Variants in MED12L observed in about 807,000 individuals in gnomAD.
MED12L encodes mediator complex subunit 12L.
In MED12L, 60 loss-of-function variants were observed where a neutral mutation model predicts 281.3. That is an observed-to-expected ratio of 0.21 (90% CI 0.17 to 0.26). The LOEUF is 0.26. Ranked by LOEUF, MED12L falls within the 10% of genes least tolerant of loss-of-function variation. MED12L has a pLI of 1.00. For synonymous variants in MED12L, 974 were observed against 987.2 expected (o/e 0.99, Z 0.25); for missense variants, 2,146 against 2,680.9 (o/e 0.80, Z 4.41).
chr3:151,098,377 G>A (rs867981760), intron 2 of MED12L, among the ~76,000 whole-genome samples: 105 of 152,260 alleles, frequency 6.9e-4, no homozygotes, highest in African/African-American at 2.5e-3. Context: ...CTACAAACTG[G>A]GTGGCTTAAA....
chr3:151,254,977 C>CT lies in MED12L; in HGVS notation c.2250+61319dup, dbSNP rs773535984. 1.4e-4 allele frequency among the ~76,000 whole-genome samples: 22 copies of CT among 152,102 alleles called. No individual in the cohort carries two copies. The East Asian group carries it at 2.1e-3, about 15-fold the overall frequency. On this transcript the variant is annotated intron_variant, in intron 16 of 44. Transcript: ENST00000687756. Reference sequence around the variant, plus strand: ...GATTCTGATACTTTGCCTTGCTGCTCTTTTTTTTGTAGTTTTCCCAGAAAC... The same window carrying CT: ...GATTCTGATACTTTGCCTTGCTGCTCTTTTTTTTTGTAGTTTTCCCAGAAAC...
intron 18 of MED12L, 46 bp downstream of exon 18, chr3:151,355,285 T>C: frequency 7.2e-7 from 1 of 1,387,998 alleles, no homozygotes; most frequent in Non-Finnish European, 1.0e-6. Flanking sequence ...TATTCTAATT[T>C]ACTTAAAAAT....
intron 16 of MED12L, chr3:151,198,884 A>T (rs1342722774): frequency 6.2e-7 from 1 of 1,614,136 alleles, no homozygotes; most frequent in South Asian, 1.1e-5. Context: ...TTCCTTTTTA[A>T]ACTCCATACA....
chr3:151,217,215 G>A (rs2149245410), intron 16 of MED12L, among the ~76,000 whole-genome samples: 1 of 152,266 alleles, frequency 6.6e-6, no homozygotes, highest in Admixed American at 6.5e-5. Flanking sequence ...TATAGAAATA[G>A]TGAATCCCAG....
At chr3:151,355,403 T>G (rs1269944335) in intron 18 of MED12L, among the ~76,000 whole-genome samples, 164 bp downstream of exon 18, 4 of 152,366 alleles carry the variant, frequency 2.6e-5, no homozygotes, top group Admixed American at 6.5e-5. Context: ...AGTGTCAGGT[T>G]GCCTTCCTCG....
At chr3:151,318,022 A>G (rs1210926826) in intron 16 of MED12L, among the ~76,000 whole-genome samples, 3 of 152,194 alleles carry the variant, frequency 2.0e-5, no homozygotes, top group African/African-American at 7.2e-5. Flanking sequence ...ATGTTTTTAC[A>G]GAAAAACAAA....
At chr3:151,344,363 C>T (rs1465354113) in intron 16 of MED12L, among the ~76,000 whole-genome samples, 1 of 151,892 alleles carries the variant, frequency 6.6e-6, no homozygotes, top group Non-Finnish European at 1.5e-5. Context: ...CATGTGCACA[C>T]CCATTCTTCC....
intron 27 of MED12L, 107 bp downstream of exon 27, chr3:151,372,873 C>T (rs920325487): frequency 1.3e-6 from 1 of 764,090 alleles, no homozygotes; most frequent in East Asian, 2.7e-5. Context: ...TTTTTTCTTG[C>T]TCACTTTATT....
At chr3:151,408,193 T>C (rs896647211) in intron 39 of MED12L, among the ~76,000 whole-genome samples, 1 of 152,156 alleles carries the variant, frequency 6.6e-6, no homozygotes, top group Non-Finnish European at 1.5e-5. Flanking sequence ...CTGAAGAAGA[T>C]GAGAATGATG....
In MED12L at chr3:151,215,514, A is replaced by T. The variant is rs73021142; in HGVS notation, c.2250+21848A>T. On this transcript the variant is annotated intron_variant, in intron 16 of 44. Coordinates refer to ENST00000687756, the MANE Select transcript of MED12L (RefSeq NM_001393769.1). ...GCTACTAGGAAATTTTAAATTACAT[A>T]TGTGTTTCACATTATGGTTTTATTG... Among the ~76,000 whole-genome samples, 1,296 of 152,328 alleles carry T rather than the reference A, an allele frequency of 8.5e-3. 26 individuals carry two copies. Among genetic ancestry groups the T allele is most frequent in the African/African-American group, 0.03 (1,228 of 41,556 alleles).
At chr3:151,372,965 A>G in intron 27 of MED12L, among the ~76,000 whole-genome samples, 199 bp downstream of exon 27, 1 of 152,160 alleles carries the variant, frequency 6.6e-6, no homozygotes, top group Non-Finnish European at 1.5e-5. Context: ...GGATTTACTA[A>G]TTTTTACATT....
chr3:151,229,307 T>C (rs1238509397), intron 16 of MED12L, among the ~76,000 whole-genome samples: 1 of 44,840 alleles, frequency 2.2e-5, no homozygotes, highest in African/African-American at 9.2e-5. Context: ...CAGCAATTCT[T>C]TTTTTTTTTT....
At chr3:151,370,973 C>T (rs1050905693) in intron 26 of MED12L, among the ~76,000 whole-genome samples, 4 of 152,176 alleles carry the variant, frequency 2.6e-5, no homozygotes, top group African/African-American at 4.8e-5. Flanking sequence ...GTCAGTTTAA[C>T]GTCAGCAGAG....
intron 2 of MED12L, among the ~76,000 whole-genome samples, chr3:151,094,308 G>T (rs1232915575): frequency 5.3e-5 from 8 of 152,210 alleles, no homozygotes; most frequent in Admixed American, 5.2e-4. Flanking sequence ...AGGAATTTGA[G>T]AAGTTGGAAT....
rs372646132 is a variant in MED12L, at chr3:151,316,206, TA to T, written c.2251-33844del. 8.1e-3 allele frequency among the ~76,000 whole-genome samples: 1,217 copies of T among 151,028 alleles called. 10 individuals are homozygous for T. Among genetic ancestry groups the T allele is most frequent in the South Asian group, 0.024 (115 of 4,766 alleles). The stretch of plus-strand genomic sequence containing the variant: ...AGAGAAAAATCTTTGTCTCTCTCTT[TA>T]AAAAAAAACAATACGGATAAACGAT... On this transcript the variant is annotated intron_variant, in intron 16 of 44. Coordinates refer to ENST00000687756, the MANE Select transcript of MED12L (RefSeq NM_001393769.1).
At position 151,383,832 on chromosome 3, in the gene MED12L, G is replaced by C. The variant is rs761281265; in HGVS notation, c.4734G>C (p.Trp1578Cys). ...GGAGCACCCAGTGGACTACAGACTG[G>C]GCCCTGCTACTCCTTCAGATCATTA... ...VQRSTQWTTD[W>C]ALLLLQIITS... Residue 1578 changes from tryptophan to cysteine, a missense_variant, in exon 34 of 45, where the codon TGG becomes TGC. By Grantham distance (215) the Trp-to-Cys change is radical (BLOSUM62 -2). Coordinates refer to ENST00000687756, the MANE Select transcript of MED12L (RefSeq NM_001393769.1). 6.2e-7 allele frequency: 1 copy of C among 1,613,982 alleles called. No individual in the cohort carries two copies. The highest frequency in any genetic ancestry group is 8.5e-7 in the Non-Finnish European group (1 of 1,179,938).
chr3:151,366,124 A>G, intron 23 of MED12L, 133 bp downstream of exon 23: 2 of 733,730 alleles, frequency 2.7e-6, no homozygotes, highest in Non-Finnish European at 4.0e-6. Flanking sequence ...TTCTCTGTCC[A>G]AAAGCAGTAA....
intron 2 of MED12L, among the ~76,000 whole-genome samples, chr3:151,089,877 C>G (rs754983257): frequency 1.3e-5 from 2 of 152,204 alleles, no homozygotes; most frequent in South Asian, 4.1e-4. Context: ...AGACCTCCTC[C>G]TTGCTTATAC....
chr3:151,267,808 C>G (rs553755335), intron 16 of MED12L, among the ~76,000 whole-genome samples: 1 of 152,070 alleles, frequency 6.6e-6, no homozygotes, highest in Non-Finnish European at 1.5e-5. Flanking sequence ...AAGAAAGGAA[C>G]CTTGCTAAAA....
Sources: allele counts gnomAD v4.1 joint callset (sites outside exome capture counted in the v4.1 genomes callset), GRCh38; gene constraint gnomAD v4.1.1; transcripts MANE v1.5; gene names NCBI Gene and HGNC (gene_info 2026-07-23, HGNC 2026-07-21).